Variants in SYNE1 observed in about 807,000 individuals in gnomAD.
SYNE1 encodes spectrin repeat containing nuclear envelope protein 1, also known as nesprin-1.
SYNE1 carries 616 observed loss-of-function variants against 1,111.0 expected under a neutral mutation model. The ratio of observed to expected loss-of-function variants is 0.55; its 90% confidence interval spans 0.52 to 0.59. The LOEUF is 0.59. SYNE1 is among the 20% of genes least tolerant of loss of function. The pLI is 0.00. For missense variants in SYNE1, 10,006 were observed against 10,417.0 expected (o/e 0.96, Z 1.72); for synonymous variants, 3,855 against 3,825.8 (o/e 1.01, Z -0.28).
intron 3 of SYNE1, among the ~76,000 whole-genome samples, chr6:152,544,570 G>T (rs1342548285): frequency 6.6e-6 from 1 of 151,892 alleles, no homozygotes. Context: ...TCTGGCTCAG[G>T]TATTCAATTT....
chr6:152,353,755 A>C lies in SYNE1; in HGVS notation c.10927-11T>G, dbSNP rs766240969. 1.5e-5 allele frequency: 24 copies of C among 1,613,540 alleles called. No homozygotes were observed. In the South Asian group the frequency reaches 2.6e-4, roughly 18 times the overall value. ...TTCTTCGTGCCACTTCTGAAATGAC[A>C]AAGTATCGAAGGGAAAGATTCAATC... On this transcript the variant is annotated splice_polypyrimidine_tract_variant and intron_variant, in intron 67 of 145. Coordinates refer to ENST00000367255, the MANE Select transcript of SYNE1 (RefSeq NM_182961.4).
chr6:152,195,580 G>A (rs929649559), intron 127 of SYNE1, among the ~76,000 whole-genome samples: 2 of 152,310 alleles, frequency 1.3e-5, no homozygotes, highest in African/African-American at 4.8e-5. Context: ...TGGTGGTCTT[G>A]GATAAGATCT....
At chr6:152,430,023 T>G in intron 36 of SYNE1, 89 bp downstream of exon 36, 1 of 889,030 alleles carries the variant, frequency 1.1e-6, no homozygotes, top group Non-Finnish European at 1.8e-6. Flanking sequence ...ATTTCAATTC[T>G]CTTAAAAAGT....
intron 42 of SYNE1, among the ~76,000 whole-genome samples, chr6:152,410,038 A>T (rs1351558474): frequency 6.6e-6 from 1 of 152,240 alleles, no homozygotes; most frequent in African/African-American, 2.4e-5. Flanking sequence ...AAATATATAT[A>T]TTTTTAATTG....
intron 63 of SYNE1, among the ~76,000 whole-genome samples, chr6:152,362,941 C>T (rs932925388): frequency 3.3e-5 from 5 of 151,240 alleles, no homozygotes; most frequent in Non-Finnish European, 2.9e-5. Flanking sequence ...AGTGCAGTGG[C>T]GCGATCTCGG....
rs150634175 is a variant in SYNE1 at position 152,190,594 on chromosome 6, C to G, written c.23146-1187G>C. On this transcript the variant is annotated intron_variant, in intron 127 of 145. Transcript: ENST00000367255. Reference sequence around the variant, plus strand: ...TTGTGTTACAAACAATCCATTTATACCCTTTTATTTATTTAAAAATGTATG... The same window carrying G: ...TTGTGTTACAAACAATCCATTTATAGCCTTTTATTTATTTAAAAATGTATG... 2.0e-5 allele frequency among the ~76,000 whole-genome samples: 3 copies of G among 152,208 alleles called. No individual in the cohort carries two copies. The East Asian group carries it at 5.8e-4, about 29-fold the overall frequency.
chr6:152,340,385 G>C (rs1273011491), intron 74 of SYNE1, among the ~76,000 whole-genome samples: 1 of 152,144 alleles, frequency 6.6e-6, no homozygotes, highest in Non-Finnish European at 1.5e-5. Context: ...CTCTAGTCTA[G>C]AGTTTCTCAA....
At chr6:152,188,973 AAAAAAAAAAAAATATATATATAT>A (rs2071201672) in intron 128 of SYNE1, among the ~76,000 whole-genome samples, 3 of 60,602 alleles carry the variant, frequency 5.0e-5, no homozygotes, top group African/African-American at 1.6e-4. Flanking sequence ...AAAAAAAAAA[AAAAAAAAAAAAATATATATATAT>A]ATATATATAT....
intron 3 of SYNE1, among the ~76,000 whole-genome samples, chr6:152,592,926 C>G (rs1278802580): frequency 6.6e-6 from 1 of 152,158 alleles, no homozygotes; most frequent in Non-Finnish European, 1.5e-5. Context: ...CCCTGCAATG[C>G]AACAGCAGCC....
At position 152,278,240 on chromosome 6, in the gene SYNE1, G is replaced by C; in HGVS notation, c.18422C>G (p.Ser6141Ter). Residue 6141 changes from serine (S) to a stop codon, truncating the protein, a stop_gained, in exon 98 of 146, where the codon TCA becomes TGA. Transcript: ENST00000367255. LOFTEE classifies it high-confidence loss of function. ...GTTCTCATTGTGGACTGACAGTTCTGATAAAGCCACCACCTTCTGCTCTAT... is the reference window on the plus strand; with the variant it reads ...GTTCTCATTGTGGACTGACAGTTCTCATAAAGCCACCACCTTCTGCTCTAT... The part of the protein sequence containing the change: ...VEIEQKVVAL[S>*]ELSVHNENLL... 1 of 1,614,140 alleles carries C rather than the reference G, an allele frequency of 6.2e-7. No individual in the cohort carries two copies.
chr6:152,324,932 T>C (rs1468639359), intron 81 of SYNE1, 152 bp downstream of exon 81: 2 of 912,180 alleles, frequency 2.2e-6, no homozygotes, highest in African/African-American at 3.3e-5. Context: ...GTACTTTGTT[T>C]CATAACTTAA....
In SYNE1 at chr6:152,472,119, T is replaced by A. The variant is rs952663183; in HGVS notation, c.1463+182A>T. On this transcript the variant is annotated intron_variant, in intron 15 of 145. Coordinates refer to ENST00000367255, the MANE Select transcript of SYNE1 (RefSeq NM_182961.4). Reference sequence around the variant, plus strand: ...GCTGTGGATAAATTCAGAGTCACTCTTTTCAGTTAATAATACATTAGAATG... The same window carrying A: ...GCTGTGGATAAATTCAGAGTCACTCATTTCAGTTAATAATACATTAGAATG... 8.0e-6 allele frequency: 5 copies of A among 626,532 alleles called. No homozygotes were observed. In the African/African-American group the frequency reaches 9.2e-5, roughly 12 times the overall value. The allele number at this position is 626,532 out of a possible 1,614,324, so 38.8% of individuals were successfully genotyped here. A position where few individuals can be genotyped will look rare whatever the true frequency, so the allele number is the denominator to read the frequency against.
At chr6:152,618,378 TAAC>T (rs1583524054) in intron 3 of SYNE1, among the ~76,000 whole-genome samples, 1 of 151,944 alleles carries the variant, frequency 6.6e-6, no homozygotes, top group South Asian at 2.1e-4. Context: ...CATCAACAAA[TAAC>T]AACGACAACA....
At chr6:152,453,272 G>A (rs999743987) in intron 25 of SYNE1, 10 of 575,746 alleles carry the variant, frequency 1.7e-5, no homozygotes, top group Non-Finnish European at 3.1e-5. Context: ...GATTTATTCA[G>A]CAGAGAGAAG....
intron 13 of SYNE1, among the ~76,000 whole-genome samples, chr6:152,484,190 T>C (rs933890513): frequency 2.0e-5 from 3 of 151,914 alleles, no homozygotes; most frequent in African/African-American, 7.3e-5. Context: ...TTAGCCTGGG[T>C]GACAGAGCAA....
chr6:152,369,438 T>A, intron 60 of SYNE1, 33 bp downstream of exon 60: 1 of 1,613,962 alleles, frequency 6.2e-7, no homozygotes, highest in East Asian at 2.2e-5. Context: ...AAAGACTAGG[T>A]CAGATGGGGC....
At position 152,470,342 on chromosome 6, in the gene SYNE1, C is replaced by T. The variant is rs9479320; in HGVS notation, c.1632+1255G>A. On this transcript the variant is annotated intron_variant, in intron 16 of 145. Transcript: ENST00000367255. ...AGACTGTGTCTGGTATAAATAACTACTGGGCTGAGAGGGTATCATTTGGCA... is the reference window on the plus strand; with the variant it reads ...AGACTGTGTCTGGTATAAATAACTATTGGGCTGAGAGGGTATCATTTGGCA... Among the ~76,000 whole-genome samples the T allele has an allele frequency of 9.9e-3, 1,501 of 152,198 alleles. 8 individuals carry two copies. The highest frequency in any genetic ancestry group is 0.016 in the Non-Finnish European group (1,062 of 67,990).
At chr6:152,579,387 C>T (rs1456540699) in intron 3 of SYNE1, among the ~76,000 whole-genome samples, 3 of 152,228 alleles carry the variant, frequency 2.0e-5, no homozygotes, top group Non-Finnish European at 4.4e-5. Context: ...AGGCAGAGGC[C>T]ATGTGGCAGA....
intron 6 of SYNE1, 135 bp downstream of exon 6, chr6:152,520,324 A>G (rs2099132631): frequency 6.7e-6 from 6 of 893,638 alleles, no homozygotes; most frequent in Non-Finnish European, 1.1e-5. Context: ...ATTTTATAAT[A>G]CAATGATATT....
Sources: allele counts gnomAD v4.1 joint callset (sites outside exome capture counted in the v4.1 genomes callset), GRCh38; gene constraint gnomAD v4.1.1; transcripts MANE v1.5; gene names NCBI Gene and HGNC (gene_info 2026-07-23, HGNC 2026-07-21).